Variants in EPB41L3 observed in about 807,000 individuals in gnomAD.
EPB41L3 encodes erythrocyte membrane protein band 4.1 like 3, also known as band 4.1-like protein 3.
Under a neutral mutation model 127.1 loss-of-function variants are expected in EPB41L3, and 57 were observed. The ratio of observed to expected loss-of-function variants is 0.45; its 90% CI spans 0.36 to 0.56. The LOEUF (loss-of-function observed/expected upper bound fraction) is 0.56. EPB41L3 is among the 20% of genes least tolerant of loss of function. EPB41L3 has a pLI of 0.00. For synonymous variants in EPB41L3, 572 were observed against 549.5 expected (o/e 1.04, Z -0.57); for missense variants, 1,273 against 1,372.2 (o/e 0.93, Z 1.14).
At chr18:5,565,206 G>A (rs1201460906) in intron 3 of EPB41L3, among the ~76,000 whole-genome samples, 3 of 150,742 alleles carry the variant, frequency 2.0e-5, no homozygotes, top group Non-Finnish European at 4.4e-5. Flanking sequence ...AGACCAGCCT[G>A]GTCAACATGG....
chr18:5,597,678 T>A (rs1214144654), intron 3 of EPB41L3, among the ~76,000 whole-genome samples: 1 of 152,184 alleles, frequency 6.6e-6, no homozygotes, highest in Non-Finnish European at 1.5e-5. Flanking sequence ...AGGAAGATTT[T>A]GCAAATCCTG....
chr18:5,478,183 AC>A lies in EPB41L3; in HGVS notation c.381+57del, dbSNP rs1245559993. On this transcript the variant is annotated intron_variant, in intron 3 of 22. Coordinates refer to ENST00000341928, the MANE Select transcript of EPB41L3 (RefSeq NM_012307.5). ...TAAAGAGGCATCTTGTATATTTTATACCAACATTCCCCAGCTCTCAATATCT... is the reference window on the plus strand; with the variant it reads ...TAAAGAGGCATCTTGTATATTTTATACAACATTCCCCAGCTCTCAATATCT... 20 of 1,494,498 alleles carry A rather than the reference AC, an allele frequency of 1.3e-5. No homozygotes were observed. The African/African-American group carries it at 2.5e-4, about 19-fold the overall frequency. 92.6% of individuals were successfully genotyped at this position (1,494,498 alleles called of 1,614,324 possible). A position where few individuals can be genotyped will look rare whatever the true frequency, so the allele number is the denominator to read the frequency against.
At chr18:5,600,481 A>C (rs1383035243) in intron 3 of EPB41L3, among the ~76,000 whole-genome samples, 2 of 152,190 alleles carry the variant, frequency 1.3e-5, no homozygotes, top group African/African-American at 4.8e-5. Flanking sequence ...TTTGCTTTAC[A>C]GTCTCATCAT....
chr18:5,578,349 T>G (rs1332358300), intron 3 of EPB41L3, among the ~76,000 whole-genome samples: 1 of 152,224 alleles, frequency 6.6e-6, no homozygotes, highest in African/African-American at 2.4e-5. Flanking sequence ...TTAAACAAAA[T>G]CCACATGTAA....
intron 1 of EPB41L3, among the ~76,000 whole-genome samples, chr18:5,499,133 GT>G (rs2091488024): frequency 6.6e-6 from 1 of 152,172 alleles, no homozygotes; most frequent in Non-Finnish European, 1.5e-5. Flanking sequence ...ATGTTAGTTA[GT>G]CACCTCCCTC....
chr18:5,494,312 C>A (rs1290607164), intron 1 of EPB41L3, among the ~76,000 whole-genome samples: 5 of 152,146 alleles, frequency 3.3e-5, no homozygotes, highest in African/African-American at 1.2e-4. Flanking sequence ...CTATGCCTAA[C>A]TCCAATCCAC....
At chr18:5,520,072 C>T (rs2092924965) in intron 1 of EPB41L3, among the ~76,000 whole-genome samples, 1 of 152,154 alleles carries the variant, frequency 6.6e-6, no homozygotes, top group Admixed American at 6.5e-5. Flanking sequence ...AAGCAATATA[C>T]AGTAATCGAC....
At position 5,569,543 on chromosome 18, in the gene EPB41L3, G is replaced by A. The variant is rs537759345; in HGVS notation, c.-306+42797C>T. 5.3e-5 allele frequency among the ~76,000 whole-genome samples: 8 copies of A among 152,274 alleles called. No individual in the cohort carries two copies. In the South Asian group the frequency reaches 1.7e-3, roughly 32 times the overall value. On this transcript the variant is annotated intron_variant, in intron 3 of 21. Transcript: ENST00000545076. The stretch of plus-strand genomic sequence containing the variant: ...AAGGATGAGAAAGGTACAAATTCAT[G>A]GTCTCCTTAAGGGCAAATGCCTTTT...
chr18:5,571,221 G>T (rs2149254132), intron 3 of EPB41L3, among the ~76,000 whole-genome samples: 1 of 152,250 alleles, frequency 6.6e-6, no homozygotes, highest in Middle Eastern at 3.4e-3. Flanking sequence ...TCCTCACTTT[G>T]AACCATTAGT....
intron 3 of EPB41L3, chr18:5,570,807 C>T (rs2094269630): frequency 6.6e-6 from 1 of 152,174 alleles, no homozygotes; most frequent in South Asian, 2.1e-4. Flanking sequence ...TATTTCTCTG[C>T]TGTTGCCTGG....
chr18:5,489,097 CGCGCGCCCCT>C lies in EPB41L3; in HGVS notation c.77_86del (p.Gln26ArgfsTer54), dbSNP rs2090275378. 1.3e-6 allele frequency: 2 copies of C among 1,595,830 alleles called. No individual in the cohort carries two copies. The highest frequency in any genetic ancestry group is 1.4e-5 in the African/African-American group (1 of 73,288). On this transcript the variant is annotated frameshift_variant, in exon 2 of 23. Transcript: ENST00000341928. LOFTEE classifies it high-confidence loss of function. ...TGGGCGGCTCCGGCACGGGCGCCCC[CGCGCGCCCCT>C]GCGCCCCCGCCGCCTCCTGGGGCTC...
At chr18:5,563,246 T>C (rs2094156408) in intron 3 of EPB41L3, among the ~76,000 whole-genome samples, 1 of 152,214 alleles carries the variant, frequency 6.6e-6, no homozygotes, top group Non-Finnish European at 1.5e-5. Context: ...TTGACAATTA[T>C]GCACATTGAG....
intron 12 of EPB41L3, among the ~76,000 whole-genome samples, chr18:5,418,200 C>CA (rs1419369479): frequency 5.9e-5 from 9 of 152,284 alleles, no homozygotes; most frequent in Admixed American, 3.9e-4. Flanking sequence ...ACATTCTGCC[C>CA]AGAGTGCTGG....
chr18:5,600,170 GA>G lies in EPB41L3; in HGVS notation c.-306+12169del, dbSNP rs761880698. On this transcript the variant is annotated intron_variant, in intron 3 of 21. Coordinates refer to the EPB41L3 transcript ENST00000545076. ...TTAAGCACCTGTTTACAAAAAGAAA[GA>G]AAAAAATTTCAGGCAGTAACTTTCT... Among the ~76,000 whole-genome samples the G allele has an allele frequency of 5.3e-5, 8 of 152,064 alleles. No homozygotes were observed. The East Asian group carries it at 9.6e-4, about 18-fold the overall frequency.
intron 1 of EPB41L3, among the ~76,000 whole-genome samples, chr18:5,623,099 T>C (rs1291352863): frequency 6.6e-6 from 1 of 152,138 alleles, no homozygotes; most frequent in East Asian, 1.9e-4. Flanking sequence ...CTGTTATTTC[T>C]ATTTGCCAGT....
chr18:5,548,615 A>AT (rs926867919), upstream of EPB41L3, among the ~76,000 whole-genome samples: 5 of 152,056 alleles, frequency 3.3e-5, no homozygotes, highest in African/African-American at 1.2e-4. Context: ...ATCCTTATTG[A>AT]TTTTTTTACT....
chr18:5,465,898 T>G (rs1235870723), intron 3 of EPB41L3, among the ~76,000 whole-genome samples: 1 of 152,098 alleles, frequency 6.6e-6, no homozygotes, highest in East Asian at 1.9e-4. Flanking sequence ...TGTTAGGGTA[T>G]CTACATTCTG....
In EPB41L3 at chr18:5,568,368, C is replaced by T. The variant is rs559707340; in HGVS notation, c.-306+43972G>A. ...TCCTCAAGAGAGTACCATCTCCATCCATTCCCCAAGAGCTTCCCTTCTCTC... is the reference window on the plus strand; with the variant it reads ...TCCTCAAGAGAGTACCATCTCCATCTATTCCCCAAGAGCTTCCCTTCTCTC... On this transcript the variant is annotated intron_variant, in intron 3 of 21. Transcript: ENST00000545076. Among the ~76,000 whole-genome samples the T allele has an allele frequency of 2.0e-5, 3 of 148,920 alleles. No individual in the cohort carries two copies. In the East Asian group the frequency reaches 5.9e-4, roughly 29 times the overall value.
At position 5,419,787 on chromosome 18, in the gene EPB41L3, T is replaced by C. The variant is rs2077250246; in HGVS notation, c.1430A>G (p.Glu477Gly). 1.2e-6 allele frequency: 2 copies of C among 1,614,064 alleles called. No homozygotes were observed. The highest frequency in any genetic ancestry group is 2.7e-5 in the African/African-American group (2 of 74,920). ...CCGTTTGTCCTCTTCCTCGTCCCGC[T>C]CCTCCTCAGCCTTCTTCTCCGGAGT... ...TVTPEKKAEE[E>G]RDEEEDKRRK... Residue 477 changes from glutamate (E) to glycine (G), a missense_variant, in exon 12 of 23, where the codon GAG becomes GGG. Glu to Gly is a moderately conservative substitution (Grantham distance 98). Transcript: ENST00000341928.
Sources: gnomAD v4.1 joint callset for allele counts (sites outside exome capture counted in the v4.1 genomes callset) on GRCh38, gnomAD v4.1.1 for gene constraint, MANE v1.5 for transcripts, NCBI Gene and HGNC (gene_info 2026-07-23, HGNC 2026-07-21) for gene names.